The following RIC1 variants were observed in gnomAD, a reference collection of about 807,000 sequenced individuals.
The protein encoded by RIC1 is RIC1 partner of RAB6A GEF complex.
Under a neutral mutation model 169.0 loss-of-function variants are expected in RIC1, and 88 were observed. That is an observed-to-expected ratio of 0.52 (90% CI 0.44 to 0.62). The LOEUF (loss-of-function observed/expected upper bound fraction) is 0.62, where lower values mean the gene tolerates loss of function less well. RIC1 is among the 20% of genes least tolerant of loss of function. The pLI, the probability that RIC1 is intolerant of heterozygous loss-of-function variation, is 0.00. For missense variants in RIC1, 1,877 were observed against 1,725.5 expected, an observed-to-expected ratio of 1.09 and a Z score of -1.56; for synonymous variants, 790 against 601.5, an observed-to-expected ratio of 1.31 and a Z score of -4.59.
intron 7 of RIC1, among the ~76,000 whole-genome samples, chr9:5,735,539 C>G (rs1376499651): frequency 1.3e-5 from 2 of 152,190 alleles, no homozygotes; most frequent in South Asian, 2.1e-4. Flanking sequence ...TTTTCATCAG[C>G]TACGAGACTA....
At chr9:5,687,259 T>C (rs1821306909) in intron 2 of RIC1, among the ~76,000 whole-genome samples, 1 of 152,186 alleles carries the variant, frequency 6.6e-6, no homozygotes, top group South Asian at 2.1e-4. Flanking sequence ...TTAGTGATCT[T>C]CTAAAACAAT....
rs1162482179 is a variant in RIC1, at chr9:5,775,890, AC to A, written c.*1646del. On this transcript the variant is annotated 3_prime_UTR_variant, in exon 26 of 26. Coordinates refer to ENST00000414202, the MANE Select transcript of RIC1 (RefSeq NM_020829.4). ...ATTTTTATTTAAGTCTTTGTTTCAA[AC>A]CACCTTTCCCTGAATCTTAAAGATA... is the stretch of plus-strand genomic sequence containing the variant. 1 of 152,124 alleles carries A rather than the reference AC, an allele frequency of 6.6e-6. No homozygotes were observed. Among genetic ancestry groups the A allele is most frequent in the East Asian group, 1.9e-4 (1 of 5,200 alleles). 9.4% of individuals were successfully genotyped at this position (152,124 alleles called of 1,614,324 possible).
chr9:5,722,654 C>A (rs1422085549), intron 6 of RIC1, among the ~76,000 whole-genome samples: 1 of 151,928 alleles, frequency 6.6e-6, no homozygotes, highest in African/African-American at 2.4e-5. Flanking sequence ...TGTTCTGCAC[C>A]CATTAACTCG....
intron 2 of RIC1, among the ~76,000 whole-genome samples, chr9:5,680,901 A>T (rs1387250856): frequency 7.9e-6 from 1 of 126,784 alleles, no homozygotes; most frequent in Non-Finnish European, 1.6e-5. Flanking sequence ...ATCTCGGCTC[A>T]CTGCAAGCTC....
chr9:5,666,683 G>T (rs748713178), intron 2 of RIC1, among the ~76,000 whole-genome samples: 5 of 152,130 alleles, frequency 3.3e-5, no homozygotes, highest in Non-Finnish European at 7.4e-5. Context: ...GTATTTCATT[G>T]ATTGATTTTC....
At chr9:5,773,855 C>A in intron 25 of RIC1, 103 bp from the exon 26 acceptor site, 1 of 1,094,630 alleles carries the variant, frequency 9.1e-7, no homozygotes, top group Non-Finnish European at 1.3e-6. Flanking sequence ...CCTAATCTAT[C>A]GTCGTCTTTA....
At chr9:5,653,186 G>A (rs907978194) in intron 1 of RIC1, among the ~76,000 whole-genome samples, 3 of 152,194 alleles carry the variant, frequency 2.0e-5, no homozygotes, top group African/African-American at 7.2e-5. Flanking sequence ...TGCAAAGACT[G>A]TCTTTTCTCT....
intron 6 of RIC1, among the ~76,000 whole-genome samples, chr9:5,724,375 T>C (rs1278255575): frequency 6.6e-6 from 1 of 152,234 alleles, no homozygotes; most frequent in Non-Finnish European, 1.5e-5. Flanking sequence ...GTTATTGGTG[T>C]ATAGGAATGC....
At chr9:5,745,083 A>G (rs889157204) in intron 10 of RIC1, among the ~76,000 whole-genome samples, 2 of 152,332 alleles carry the variant, frequency 1.3e-5, no homozygotes, top group African/African-American at 4.8e-5. Flanking sequence ...ACACATTTCT[A>G]TAAATACCAA....
chr9:5,730,649 A>G (rs1253914638), intron 6 of RIC1, among the ~76,000 whole-genome samples: 1 of 152,134 alleles, frequency 6.6e-6, no homozygotes, highest in South Asian at 2.1e-4. Context: ...GAAGGGCACT[A>G]TTGGGAGACT....
At chr9:5,761,631 A>C (rs577130209) in intron 17 of RIC1, among the ~76,000 whole-genome samples, 6 of 152,346 alleles carry the variant, frequency 3.9e-5, no homozygotes, top group African/African-American at 1.4e-4. Flanking sequence ...CACCTCAGCT[A>C]ACCTGGAAAT....
intron 2 of RIC1, among the ~76,000 whole-genome samples, chr9:5,688,977 A>C (rs531852755): frequency 7.2e-5 from 11 of 151,910 alleles, no homozygotes; most frequent in African/African-American, 2.7e-4. Context: ...GAACTTCACA[A>C]ATGTATGTAT....
intron 1 of RIC1, among the ~76,000 whole-genome samples, chr9:5,653,652 C>T (rs1818928309): frequency 6.6e-6 from 1 of 151,936 alleles, no homozygotes; most frequent in Admixed American, 6.6e-5. Context: ...AGCTGGAGTG[C>T]AATGGCGCAG....
chr9:5,749,387 T>C (rs557866495), intron 12 of RIC1, among the ~76,000 whole-genome samples: 11 of 152,236 alleles, frequency 7.2e-5, no homozygotes, highest in Admixed American at 5.2e-4. Flanking sequence ...ATGCTAAACT[T>C]TTACGTTCTA....
intron 2 of RIC1, among the ~76,000 whole-genome samples, chr9:5,678,454 A>G (rs897127451): frequency 3.9e-5 from 6 of 152,016 alleles, no homozygotes; most frequent in African/African-American, 1.4e-4. Flanking sequence ...ACTAGTTTAC[A>G]GTCCCACCAA....
In RIC1 at chr9:5,775,826, T is replaced by A. The variant is rs2131172179; in HGVS notation, c.*1580T>A. On this transcript the variant is annotated 3_prime_UTR_variant, in exon 26 of 26. Transcript: ENST00000414202. ...TCACAAAATGAAACTCCCGAATGGGTGGAGTATGTGATTATTGGTACCTGG... is the reference window on the plus strand; with the variant it reads ...TCACAAAATGAAACTCCCGAATGGGAGGAGTATGTGATTATTGGTACCTGG... The A allele has an allele frequency of 6.6e-6, 1 of 152,200 alleles. No homozygotes were observed. Among genetic ancestry groups the A allele is most frequent in the Middle Eastern group, 3.4e-3 (1 of 294 alleles). The allele number at this position is 152,200 out of a possible 1,614,324, so 9.4% of individuals were successfully genotyped here. A position where few individuals can be genotyped will look rare whatever the true frequency, so the allele number is the denominator to read the frequency against.
rs184799493 is a variant in RIC1 at position 5,743,112 on chromosome 9, A to T, written c.1046+99A>T. 4.2e-4 allele frequency: 461 copies of T among 1,088,366 alleles called. 4 individuals carry two copies. The Admixed American group carries it at 9.2e-3, about 22-fold the overall frequency. 67.4% of individuals were successfully genotyped at this position (1,088,366 alleles called of 1,614,324 possible). On this transcript the variant is annotated intron_variant, in intron 9 of 25. Transcript: ENST00000414202. Reference sequence around the variant, plus strand: ...TGTCAGAACTTCCCTTTTTGCCTTGACTCTTACCTTAAAACAATTTGCAAA... The same window carrying T: ...TGTCAGAACTTCCCTTTTTGCCTTGTCTCTTACCTTAAAACAATTTGCAAA...
At chr9:5,739,539 G>T (rs1037826483) in intron 8 of RIC1, among the ~76,000 whole-genome samples, 2 of 152,102 alleles carry the variant, frequency 1.3e-5, no homozygotes, top group Admixed American at 6.5e-5. Flanking sequence ...ACCTCTAGAG[G>T]CCTGCCAGGA....
chr9:5,722,663 C>A (rs1462945194), intron 6 of RIC1, among the ~76,000 whole-genome samples: 1 of 152,068 alleles, frequency 6.6e-6, no homozygotes, highest in South Asian at 2.1e-4. Context: ...CCCATTAACT[C>A]GTCATTTACA....
Sources: allele counts gnomAD v4.1 joint callset (sites outside exome capture counted in the v4.1 genomes callset), GRCh38; gene constraint gnomAD v4.1.1; transcripts MANE v1.5; gene names NCBI Gene and HGNC (gene_info 2026-07-23, HGNC 2026-07-21).